Variants in SLC35F1 observed in about 807,000 individuals in gnomAD.
SLC35F1 encodes solute carrier family 35 member F1, also known as chromosome 6 open reading frame 169.
SLC35F1 carries 14 observed loss-of-function variants against 48.7 expected under a neutral mutation model. The ratio of observed to expected loss-of-function variants is 0.29; its 90% confidence interval spans 0.19 to 0.45. The LOEUF is 0.45. Among genes scored for constraint, SLC35F1 ranks in the 20% least tolerant of loss-of-function variants. The pLI, the probability that SLC35F1 is intolerant of heterozygous loss-of-function variation, is 1.00. For missense variants in SLC35F1, 404 were observed against 500.0 expected, an observed-to-expected ratio of 0.81 and a Z score of 1.83; for synonymous variants, 190 against 202.2, an observed-to-expected ratio of 0.94 and a Z score of 0.51.
chr6:117,973,147 C>A (rs1363986832), intron 1 of SLC35F1, among the ~76,000 whole-genome samples: 1 of 152,174 alleles, frequency 6.6e-6, no homozygotes, highest in East Asian at 1.9e-4. Flanking sequence ...CAAAGCCTCT[C>A]TCCTTGGCTT....
At chr6:118,248,063 T>C (rs1006404614) in intron 3 of SLC35F1, among the ~76,000 whole-genome samples, 4 of 152,206 alleles carry the variant, frequency 2.6e-5, no homozygotes, top group African/African-American at 9.7e-5. Flanking sequence ...CATATGTTTT[T>C]GAGTGATGAA....
intron 1 of SLC35F1, among the ~76,000 whole-genome samples, chr6:117,942,273 T>C (rs1433079850): frequency 2.6e-5 from 4 of 152,178 alleles, no homozygotes; most frequent in African/African-American, 9.7e-5. Context: ...TGTTACAGAA[T>C]ATGAATTACA....
At chr6:118,070,180 A>G (rs1772679823) in intron 1 of SLC35F1, among the ~76,000 whole-genome samples, 3 of 151,064 alleles carry the variant, frequency 2.0e-5, no homozygotes, top group Admixed American at 2.0e-4. Context: ...TCATTTAATT[A>G]AAGATAAGTT....
intron 1 of SLC35F1, among the ~76,000 whole-genome samples, chr6:118,001,813 A>G (rs1301183613): frequency 6.6e-6 from 1 of 152,030 alleles, no homozygotes; most frequent in Non-Finnish European, 1.5e-5. Flanking sequence ...CGCTTCTCAA[A>G]AGAAGACATT....
intron 1 of SLC35F1, among the ~76,000 whole-genome samples, chr6:118,115,133 T>C (rs1234700110): frequency 1.3e-5 from 2 of 152,148 alleles, no homozygotes; most frequent in Non-Finnish European, 2.9e-5. Context: ...CAGGTACAAC[T>C]TTAGCTATAA....
At chr6:118,125,800 A>T (rs1176857587) in intron 1 of SLC35F1, among the ~76,000 whole-genome samples, 1 of 152,132 alleles carries the variant, frequency 6.6e-6, no homozygotes, top group East Asian at 1.9e-4. Context: ...GAAAAGGCAT[A>T]TTTAATATGT....
intron 1 of SLC35F1, among the ~76,000 whole-genome samples, chr6:117,926,170 G>A (rs922471530): frequency 6.6e-6 from 1 of 152,084 alleles, no homozygotes; most frequent in Non-Finnish European, 1.5e-5. Context: ...ACCAGCTGGA[G>A]GTAATTGAAT....
chr6:118,022,267 G>A (rs575189711), intron 1 of SLC35F1, among the ~76,000 whole-genome samples: 9 of 152,300 alleles, frequency 5.9e-5, no homozygotes, highest in South Asian at 2.1e-4. Flanking sequence ...GGACTAATCC[G>A]GAAGTTTTGG....
At chr6:118,092,650 C>T (rs1246981829) in intron 1 of SLC35F1, among the ~76,000 whole-genome samples, 3 of 152,186 alleles carry the variant, frequency 2.0e-5, no homozygotes, top group Non-Finnish European at 2.9e-5. Context: ...CCCTACAAAG[C>T]CACAGAGGTG....
At chr6:117,995,530 C>T (rs1490763170) in intron 1 of SLC35F1, among the ~76,000 whole-genome samples, 3 of 152,118 alleles carry the variant, frequency 2.0e-5, no homozygotes, top group African/African-American at 7.2e-5. Flanking sequence ...ATCATGAGGT[C>T]AGGAGTTTGA....
intron 2 of SLC35F1, among the ~76,000 whole-genome samples, chr6:118,230,016 C>G (rs141287603): frequency 6.5e-4 from 99 of 152,224 alleles, no homozygotes; most frequent in African/African-American, 2.3e-3. Context: ...AAACAAAACT[C>G]TATATCAATT....
chr6:118,200,354 T>TG (rs1774859240), intron 2 of SLC35F1, among the ~76,000 whole-genome samples: 1 of 151,986 alleles, frequency 6.6e-6, no homozygotes, highest in African/African-American at 2.4e-5. Context: ...AAGAACAGGG[T>TG]GGGGTCAGTG....
At chr6:117,912,871 A>ATACT (rs1775780256) in intron 1 of SLC35F1, among the ~76,000 whole-genome samples, 1 of 152,228 alleles carries the variant, frequency 6.6e-6, no homozygotes, top group Non-Finnish European at 1.5e-5. Flanking sequence ...GTATTAAAAT[A>ATACT]TACTTGTCTT....
In SLC35F1 at chr6:118,165,785, G is replaced by T. The variant is rs75063634; in HGVS notation, c.349+11165G>T. The stretch of plus-strand genomic sequence containing the variant: ...GCATTCTTGCCCCTGATAACTTCCA[G>T]CAAGGAATCAGGTTTGGGCACAGGA... On this transcript the variant is annotated intron_variant, in intron 2 of 7. Coordinates refer to ENST00000360388, the MANE Select transcript of SLC35F1 (RefSeq NM_001029858.4). 7.9e-3 allele frequency among the ~76,000 whole-genome samples: 1,206 copies of T among 152,296 alleles called. 6 individuals are homozygous for T. Among genetic ancestry groups the T allele is most frequent in the Middle Eastern group, 0.024 (7 of 294 alleles).
At chr6:118,199,026 T>A (rs998904164) in intron 2 of SLC35F1, among the ~76,000 whole-genome samples, 6 of 152,188 alleles carry the variant, frequency 3.9e-5, no homozygotes, top group Non-Finnish European at 7.3e-5. Context: ...CCAGGGCAGA[T>A]GGATTCTTAT....
intron 1 of SLC35F1, among the ~76,000 whole-genome samples, chr6:117,908,805 T>C (rs940459820): frequency 1.4e-4 from 21 of 152,334 alleles, no homozygotes; most frequent in African/African-American, 4.6e-4. Flanking sequence ...TTTTGTGTTC[T>C]TTTTTGTTTG....
At chr6:118,231,137 C>T (rs1775288422) in intron 2 of SLC35F1, among the ~76,000 whole-genome samples, 2 of 152,124 alleles carry the variant, frequency 1.3e-5, no homozygotes, top group South Asian at 4.1e-4. Context: ...GAGAAAAACA[C>T]AGCAAACTGT....
intron 1 of SLC35F1, among the ~76,000 whole-genome samples, chr6:118,023,369 G>A (rs1777422784): frequency 6.6e-6 from 1 of 152,144 alleles, no homozygotes; most frequent in Admixed American, 6.5e-5. Context: ...GTGGCCCTGT[G>A]TGGCTCCATA....
chr6:117,927,858 A>T (rs1278286856), intron 1 of SLC35F1, among the ~76,000 whole-genome samples: 1 of 152,150 alleles, frequency 6.6e-6, no homozygotes, highest in South Asian at 2.1e-4. Context: ...TGTACTTTCT[A>T]TTGCAGCCAT....
Sources: allele counts gnomAD v4.1 joint callset (sites outside exome capture counted in the v4.1 genomes callset), GRCh38; gene constraint gnomAD v4.1.1; transcripts MANE v1.5; gene names NCBI Gene and HGNC (gene_info 2026-07-23, HGNC 2026-07-21).